Variants in DCAF11 observed in about 807,000 individuals in gnomAD.
DCAF11 encodes DDB1 and CUL4 associated factor 11, also known as DDB1- and CUL4-associated factor 11.
A neutral mutation model predicts 76.1 loss-of-function variants in DCAF11; 44 were observed. The ratio of observed to expected loss-of-function variants is 0.58; its 90% CI spans 0.45 to 0.74. The LOEUF is 0.74. DCAF11 is among the 30% of genes least tolerant of loss of function. The pLI is 0.00. For missense variants in DCAF11, 604 were observed against 709.4 expected (o/e 0.85, Z 1.69); for synonymous variants, 258 against 255.0 (o/e 1.01, Z -0.11).
Position 24,117,806 on chromosome 14 carries a change from G to A in DCAF11, c.476+74G>A. ...TCTCCTAAACTTTGAAGGGGTAGGT[G>A]TTAAAGGAGCCTCAGAGATATTAAA... On this transcript the variant is annotated intron_variant, in intron 5 of 14. Coordinates refer to ENST00000446197, the MANE Select transcript of DCAF11 (RefSeq NM_025230.5). This position sits in a 1 kb window ranked among gnomAD's most constrained non-coding sequence, Gnocchi z 4.3. 6.8e-7 allele frequency: 1 copy of A among 1,465,386 alleles called. No individual in the cohort carries two copies. 90.8% of individuals were successfully genotyped at this position (1,465,386 alleles called of 1,614,324 possible).
Position 24,117,581 on chromosome 14 carries a change from G to C in DCAF11, c.412-87G>C. ...ATGTGTGTGTCCATTTCTATAACAA[G>C]AGCAATATCTTTGGAGGAGGGGGCT... is the stretch of plus-strand genomic sequence containing the variant. On this transcript the variant is annotated intron_variant, in intron 4 of 14. Coordinates refer to ENST00000446197, the MANE Select transcript of DCAF11 (RefSeq NM_025230.5). This position sits in a 1 kb window ranked among gnomAD's most constrained non-coding sequence, Gnocchi z 4.3. 1 of 1,544,214 alleles carries C rather than the reference G, an allele frequency of 6.5e-7. No individual in the cohort carries two copies.
chr14:24,117,794 G>A lies in DCAF11; in HGVS notation c.476+62G>A. The A allele has an allele frequency of 1.3e-6, 2 of 1,545,244 alleles. No homozygotes were observed. The highest frequency in any genetic ancestry group is 1.8e-6 in the Non-Finnish European group (2 of 1,124,536). ...AGATAGGTCTTATCTCCTAAACTTT[G>A]AAGGGGTAGGTGTTAAAGGAGCCTC... On this transcript the variant is annotated intron_variant, in intron 5 of 14. Coordinates refer to ENST00000446197, the MANE Select transcript of DCAF11 (RefSeq NM_025230.5). The surrounding 1 kb of genome is among the most constrained non-coding windows in gnomAD (Gnocchi z 4.3).
In DCAF11 at chr14:24,117,362, A is replaced by G; in HGVS notation, c.380A>G (p.Gln127Arg). The G allele has an allele frequency of 6.2e-7, 1 of 1,614,264 alleles. No individual in the cohort carries two copies. Residue 127 changes from glutamine to arginine, a missense_variant, in exon 4 of 15, where the codon CAG (glutamine) becomes CGG (arginine). Gln to Arg is a conservative substitution (Grantham distance 43, BLOSUM62 1). Transcript: ENST00000446197. This position sits in a 1 kb window ranked among gnomAD's most constrained non-coding sequence, Gnocchi z 4.3. ...CAGCTGGGGCTTAGGCGGGCCGCCC[A>G]GAAGCACAGCTTTCCTCGAATGTTG... ...TGQLGLRRAA[Q>R]KHSFPRMLHQ...
Position 24,117,458 on chromosome 14 carries a change from C to T in DCAF11, c.411+65C>T. ...AAAGCAGCCAGAAGCTCTGCCAGCC[C>T]CAGAGAAAAAGGAAGTCAACTTTCC... On this transcript the variant is annotated intron_variant, in intron 4 of 14. Coordinates refer to ENST00000446197, the MANE Select transcript of DCAF11 (RefSeq NM_025230.5). This position sits in a 1 kb window ranked among gnomAD's most constrained non-coding sequence, Gnocchi z 4.3. 2 of 1,601,990 alleles carry T rather than the reference C, an allele frequency of 1.2e-6. No individual in the cohort carries two copies. The highest frequency in any genetic ancestry group is 1.7e-6 in the Non-Finnish European group (2 of 1,173,856).
intron 6 of DCAF11, 56 bp downstream of exon 6, chr14:24,118,211 T>C: frequency 6.4e-7 from 1 of 1,571,780 alleles, no homozygotes; most frequent in Non-Finnish European, 8.7e-7. Context: ...ACATTCCCCC[T>C]GACTGAGGCT....
rs2037617718 is a variant in DCAF11, at chr14:24,118,129, G to A, written c.551G>A (p.Gly184Asp). The change falls in exon 6 of 15, where the codon GGT becomes GAT. Residue 184 changes from glycine to aspartate, a missense_variant. Physicochemically the swap from Gly to Asp is moderately conservative, Grantham distance 94. Transcript: ENST00000446197. ...TTCTGTGGCATCTACAGCAAAGATGGTCAAATATTCATGTCTGCTTGCCAA... is the reference window on the plus strand; with the variant it reads ...TTCTGTGGCATCTACAGCAAAGATGATCAAATATTCATGTCTGCTTGCCAA... Reference protein sequence around the residue: ...KAFCGIYSKDGQIFMSACQDQ... With the variant: ...KAFCGIYSKDDQIFMSACQDQ... 1.2e-6 allele frequency: 2 copies of A among 1,613,126 alleles called. No homozygotes were observed. Among genetic ancestry groups the A allele is most frequent in the Non-Finnish European group, 1.7e-6 (2 of 1,179,720 alleles).
chr14:24,118,566 C>T (rs2037627706), intron 7 of DCAF11, 32 bp downstream of exon 7: 3 of 1,608,264 alleles, frequency 1.9e-6, no homozygotes, highest in Non-Finnish European at 2.6e-6. Context: ...ACTGACTCTC[C>T]AGCCTGGGAC....
In DCAF11 at chr14:24,115,055, C is replaced by T. The variant is rs183179166; in HGVS notation, c.-452C>T. 2.9e-5 allele frequency: 28 copies of T among 981,420 alleles called. No individual in the cohort carries two copies. In the African/African-American group the frequency reaches 4.4e-4, roughly 15 times the overall value. The allele number at this position is 981,420 out of a possible 1,614,324, so 60.8% of individuals were successfully genotyped here. On this transcript the variant is annotated 5_prime_UTR_variant, in exon 1 of 15. Coordinates refer to ENST00000446197, the MANE Select transcript of DCAF11 (RefSeq NM_025230.5). ...AGGCGAGGAAGGAGGGGTGTTAGGCCAAATTCTATTTTCATTGGCTGTCAC... is the reference window on the plus strand; with the variant it reads ...AGGCGAGGAAGGAGGGGTGTTAGGCTAAATTCTATTTTCATTGGCTGTCAC...
At chr14:24,119,006 C>G in intron 8 of DCAF11, 139 bp from the exon 9 acceptor site, 1 of 1,214,676 alleles carries the variant, frequency 8.2e-7, no homozygotes, top group Non-Finnish European at 1.2e-6. Context: ...TGGGTTCTCA[C>G]TGAGCATCTG....
chr14:24,114,885 G>A lies in DCAF11; in HGVS notation c.-622G>A. ...CAGTGGCGGCAGTCGGTGTAAACAA[G>A]GCCTCGCGCCGCTGCGGGTCCTGCG... On this transcript the variant is annotated 5_prime_UTR_variant, in exon 1 of 15. Coordinates refer to ENST00000446197, the MANE Select transcript of DCAF11 (RefSeq NM_025230.5). 1.0e-6 allele frequency: 1 copy of A among 985,948 alleles called. No individual in the cohort carries two copies. The highest frequency in any genetic ancestry group is 1.2e-6 in the Non-Finnish European group (1 of 829,950). 61.1% of individuals were successfully genotyped at this position (985,948 alleles called of 1,614,324 possible). A position where few individuals can be genotyped will look rare whatever the true frequency, so the allele number is the denominator to read the frequency against.
At position 24,117,797 on chromosome 14, in the gene DCAF11, G is replaced by A; in HGVS notation, c.476+65G>A. 1 of 1,535,288 alleles carries A rather than the reference G, an allele frequency of 6.5e-7. No individual in the cohort carries two copies. Among genetic ancestry groups the A allele is most frequent in the Non-Finnish European group, 8.9e-7 (1 of 1,118,094 alleles). ...TAGGTCTTATCTCCTAAACTTTGAA[G>A]GGGTAGGTGTTAAAGGAGCCTCAGA... On this transcript the variant is annotated intron_variant, in intron 5 of 14. Transcript: ENST00000446197. This position sits in a 1 kb window ranked among gnomAD's most constrained non-coding sequence, Gnocchi z 4.3.
chr14:24,117,968 G>T lies in DCAF11; in HGVS notation c.477-87G>T. On this transcript the variant is annotated intron_variant, in intron 5 of 14. Transcript: ENST00000446197. This position sits in a 1 kb window ranked among gnomAD's most constrained non-coding sequence, Gnocchi z 4.3. ...GCCAAAAGGGAAGAATGACTGTTCT[G>T]ATATTCCAGCTCTGTTAGGATTCTG... is the stretch of plus-strand genomic sequence containing the variant. 9.7e-7 allele frequency: 1 copy of T among 1,027,144 alleles called. No individual in the cohort carries two copies. The highest frequency in any genetic ancestry group is 1.5e-6 in the Non-Finnish European group (1 of 681,958). 63.6% of individuals were successfully genotyped at this position (1,027,144 alleles called of 1,614,324 possible).
At chr14:24,121,118 G>A in intron 12 of DCAF11, 127 bp downstream of exon 12, 1 of 1,396,550 alleles carries the variant, frequency 7.2e-7, no homozygotes, top group Non-Finnish European at 9.6e-7. Flanking sequence ...ATGGCCAGAG[G>A]TTCCTAGGAT....
intron 9 of DCAF11, 81 bp from the exon 10 acceptor site, chr14:24,119,478 C>A: frequency 6.5e-7 from 1 of 1,540,278 alleles, no homozygotes; most frequent in South Asian, 1.1e-5. Context: ...CAGGATTTCT[C>A]AGTGGAACTC....
chr14:24,120,418 G>A (rs1168401330), intron 11 of DCAF11, among the ~76,000 whole-genome samples: 3 of 152,078 alleles, frequency 2.0e-5, no homozygotes, highest in African/African-American at 7.2e-5. Flanking sequence ...TTAGCTGGGT[G>A]TGGTGGCAGT....
chr14:24,115,102 G>T lies in DCAF11; in HGVS notation c.-405G>T. On this transcript the variant is annotated 5_prime_UTR_variant, in exon 1 of 15. Coordinates refer to ENST00000446197, the MANE Select transcript of DCAF11 (RefSeq NM_025230.5). The stretch of plus-strand genomic sequence containing the variant: ...TCACTGCTGCCGGCCTTTGTAAGGG[G>T]GCGCTCTGATTGGTCGATAAGGTGG... The T allele has an allele frequency of 1.2e-6, 1 of 845,546 alleles. No homozygotes were observed. Among genetic ancestry groups the T allele is most frequent in the Non-Finnish European group, 1.4e-6 (1 of 701,786 alleles). The allele number at this position is 845,546 out of a possible 1,614,324, so 52.4% of individuals were successfully genotyped here.
chr14:24,119,273 G>C, intron 9 of DCAF11, 60 bp downstream of exon 9: 1 of 1,598,622 alleles, frequency 6.3e-7, no homozygotes, highest in South Asian at 1.1e-5. Flanking sequence ...CCAGAGATGA[G>C]TTCTGCTGTT....
In DCAF11 at chr14:24,123,451, G is replaced by T; in HGVS notation, c.*142G>T. On this transcript the variant is annotated 3_prime_UTR_variant, in exon 15 of 15. Transcript: ENST00000446197. ...TAAGCCTGGGCTCTGAGCCTCAGCT[G>T]AGCCCTGGAAGATTCTCCCCATGGG... 7.6e-7 allele frequency: 1 copy of T among 1,312,002 alleles called. No individual in the cohort carries two copies. Among genetic ancestry groups the T allele is most frequent in the South Asian group, 2.0e-5 (1 of 49,774 alleles). 81.3% of individuals were successfully genotyped at this position (1,312,002 alleles called of 1,614,324 possible).
In DCAF11 at chr14:24,118,537, G is replaced by C; in HGVS notation, c.724+3G>C. 6.2e-7 allele frequency: 1 copy of C among 1,613,602 alleles called. No homozygotes were observed. The highest frequency in any genetic ancestry group is 8.5e-7 in the Non-Finnish European group (1 of 1,179,572). ...CTACTCTAGCTGGTCTGATTACAGTGAGTATGCACCAGGCTTCCACTGACT... is the reference window on the plus strand; with the variant it reads ...CTACTCTAGCTGGTCTGATTACAGTCAGTATGCACCAGGCTTCCACTGACT... On this transcript the variant is annotated splice_donor_region_variant and intron_variant, in intron 7 of 14. Coordinates refer to ENST00000446197, the MANE Select transcript of DCAF11 (RefSeq NM_025230.5).
Sources: gnomAD v4.1 joint callset for allele counts (sites outside exome capture counted in the v4.1 genomes callset) on GRCh38, gnomAD v4.1.1 for gene constraint, Gnocchi (gnomAD v3.1) non-coding constraint, MANE v1.5 for transcripts, NCBI Gene and HGNC (gene_info 2026-07-23, HGNC 2026-07-21) for gene names.